Variants in OGDH observed in about 807,000 individuals in gnomAD.
OGDH encodes 2-oxoglutarate dehydrogenase complex component E1.
OGDH carries 38 observed loss-of-function variants against 116.6 expected under a neutral mutation model. That is an observed-to-expected ratio of 0.33 (90% CI 0.25 to 0.43). OGDH has a LOEUF of 0.43. Ranked by LOEUF, OGDH falls within the 20% of genes least tolerant of loss-of-function variation. OGDH has a pLI of 1.00. For missense variants in OGDH, 825 were observed against 1,357.2 expected (o/e 0.61, Z 6.16); for synonymous variants, 488 against 533.3 (o/e 0.92, Z 1.17).
intron 9 of OGDH, among the ~76,000 whole-genome samples, chr7:44,679,382 C>T (rs917541911): frequency 3.3e-5 from 5 of 152,352 alleles, no homozygotes; most frequent in Middle Eastern, 6.8e-3. Context: ...CAGATCCTTA[C>T]GTCCACATGC....
chr7:44,616,239 C>T (rs1029813657), intron 1 of OGDH, among the ~76,000 whole-genome samples: 1 of 152,138 alleles, frequency 6.6e-6, no homozygotes, highest in South Asian at 2.1e-4. Flanking sequence ...TAATAATTTA[C>T]ACTCTATCAA....
At chr7:44,620,084 G>A (rs910485673) in intron 1 of OGDH, among the ~76,000 whole-genome samples, 2 of 152,094 alleles carry the variant, frequency 1.3e-5, no homozygotes, top group Non-Finnish European at 2.9e-5. Context: ...GCGGTGGTGC[G>A]ATCTCAGCTC....
chr7:44,690,623 C>T (rs540372513), intron 10 of OGDH, among the ~76,000 whole-genome samples: 2 of 152,182 alleles, frequency 1.3e-5, no homozygotes, highest in Non-Finnish European at 2.9e-5. Context: ...CTCCATCACA[C>T]GTGTGTGCAC....
chr7:44,681,929 C>CT, intron 10 of OGDH, 81 bp downstream of exon 10: 1 of 1,533,074 alleles, frequency 6.5e-7, no homozygotes, highest in Non-Finnish European at 8.9e-7. Flanking sequence ...AGGACGTTCA[C>CT]TGTTTTCTGA....
chr7:44,619,818 G>A (rs1431214628), intron 1 of OGDH, among the ~76,000 whole-genome samples: 1 of 151,936 alleles, frequency 6.6e-6, no homozygotes, highest in Non-Finnish European at 1.5e-5. Context: ...GACTTTATGT[G>A]TTTATTGGCT....
intron 5 of OGDH, among the ~76,000 whole-genome samples, chr7:44,669,923 G>A (rs1787361170): frequency 1.3e-5 from 2 of 152,180 alleles, no homozygotes; most frequent in Admixed American, 6.5e-5. Context: ...GATATAATCA[G>A]ACAGATCTTA....
At chr7:44,621,559 C>T (rs974531869) in intron 1 of OGDH, among the ~76,000 whole-genome samples, 3 of 152,070 alleles carry the variant, frequency 2.0e-5, no homozygotes, top group East Asian at 1.9e-4. Flanking sequence ...CAGCTCTTCC[C>T]GTGAGTCATC....
At chr7:44,649,259 T>TC (rs1562639845) in intron 4 of OGDH, among the ~76,000 whole-genome samples, 1 of 147,148 alleles carries the variant, frequency 6.8e-6, no homozygotes, top group Admixed American at 6.7e-5. Flanking sequence ...TTTTTTTTTT[T>TC]TTTTTTTTGA....
At position 44,696,681 on chromosome 7, in the gene OGDH, T is replaced by A. The variant is rs1788595811; in HGVS notation, c.1900+124T>A. 16 of 1,402,388 alleles carry A rather than the reference T, an allele frequency of 1.1e-5. No individual in the cohort carries two copies. The South Asian group carries it at 2.2e-4, about 19-fold the overall frequency. The allele number at this position is 1,402,388 out of a possible 1,614,324, so 86.9% of individuals were successfully genotyped here. ...TACAGAGACTCCCTTCCTGCCCTGC[T>A]CAAGGCCTCTGGGGTGGTTGGATGG... On this transcript the variant is annotated intron_variant, in intron 14 of 22. Coordinates refer to ENST00000222673, the MANE Select transcript of OGDH (RefSeq NM_002541.4).
chr7:44,642,514 A>G (rs1335286263), intron 2 of OGDH, among the ~76,000 whole-genome samples: 1 of 152,222 alleles, frequency 6.6e-6, no homozygotes, highest in African/African-American at 2.4e-5. Flanking sequence ...CTTCTGTAAT[A>G]GGTTTTGTGG....
rs531567146 is a variant in OGDH at position 44,613,022 on chromosome 7, A to G, written c.-28+6369A>G. Among the ~76,000 whole-genome samples the G allele has an allele frequency of 6.6e-5, 10 of 151,616 alleles. No individual in the cohort carries two copies. In the East Asian group the frequency reaches 9.8e-4, roughly 15 times the overall value. ...CAGCCTCCTGAGTAGCTGGGACTACAGGCACGTGCCACCAACGTAATTTTT... is the reference window on the plus strand; with the variant it reads ...CAGCCTCCTGAGTAGCTGGGACTACGGGCACGTGCCACCAACGTAATTTTT... On this transcript the variant is annotated intron_variant, in intron 1 of 22. Coordinates refer to ENST00000222673, the MANE Select transcript of OGDH (RefSeq NM_002541.4).
intron 9 of OGDH, 91 bp downstream of exon 9, chr7:44,676,240 G>C: frequency 6.2e-7 from 1 of 1,608,510 alleles, no homozygotes; most frequent in Non-Finnish European, 8.5e-7. Context: ...CAGAGCCCTG[G>C]GTGCATCTAG....
chr7:44,630,123 A>G (rs2115559001), intron 2 of OGDH, among the ~76,000 whole-genome samples: 1 of 152,354 alleles, frequency 6.6e-6, no homozygotes. Context: ...GAGGAAAAGC[A>G]CAGATACACA....
At chr7:44,687,931 C>T (rs1788202152) in intron 10 of OGDH, among the ~76,000 whole-genome samples, 1 of 152,158 alleles carries the variant, frequency 6.6e-6, no homozygotes, top group African/African-American at 2.4e-5. Flanking sequence ...CCTCCATCCT[C>T]CCAAGCCCTA....
intron 1 of OGDH, among the ~76,000 whole-genome samples, chr7:44,610,751 C>T (rs1483535188): frequency 2.0e-5 from 3 of 152,030 alleles, no homozygotes; most frequent in African/African-American, 4.8e-5. Flanking sequence ...GGACTACAGC[C>T]GCGTGCCACC....
At chr7:44,675,854 G>C in intron 8 of OGDH, 116 bp from the exon 9 acceptor site, 1 of 1,073,414 alleles carries the variant, frequency 9.3e-7, no homozygotes, top group Non-Finnish European at 1.3e-6. Flanking sequence ...TCCAACCTGG[G>C]CAACAAGAGC....
intron 1 of OGDH, among the ~76,000 whole-genome samples, chr7:44,623,587 G>A (rs1425701122): frequency 1.3e-5 from 2 of 152,174 alleles, no homozygotes; most frequent in South Asian, 2.1e-4. Flanking sequence ...TATGTAATAT[G>A]TAAATTTAAA....
At chr7:44,688,151 A>T (rs1333347334) in intron 10 of OGDH, among the ~76,000 whole-genome samples, 2 of 152,048 alleles carry the variant, frequency 1.3e-5, no homozygotes, top group Non-Finnish European at 2.9e-5. Context: ...CAGGTGGATC[A>T]TCTGAGGTCA....
In OGDH at chr7:44,671,010, C is replaced by CAAA. The variant is rs111818473; in HGVS notation, c.634-2761_634-2759dup. 1.5e-4 allele frequency among the ~76,000 whole-genome samples: 10 copies of CAAA among 68,590 alleles called. 1 individual carries two copies. In the South Asian group the frequency reaches 1.7e-3, roughly 12 times the overall value. 45.0% of individuals were successfully genotyped at this position (68,590 alleles called of 152,430 possible). On this transcript the variant is annotated intron_variant, in intron 5 of 22. Transcript: ENST00000222673. ...TGGGCAACAGAGCAAGACTCCATCT[C>CAAA]AAAAAAAAAAAAAAAAAAGAAAAGA...
Sources: gnomAD v4.1 joint callset for allele counts (sites outside exome capture counted in the v4.1 genomes callset) on GRCh38, gnomAD v4.1.1 for gene constraint, MANE v1.5 for transcripts, NCBI Gene and HGNC (gene_info 2026-07-23, HGNC 2026-07-21) for gene names.